The following FGF14 variants were observed in gnomAD, a reference collection of about 807,000 sequenced individuals.
FGF14 encodes the protein fibroblast growth factor homologous factor 4.
Under a neutral mutation model 25.5 loss-of-function variants are expected in FGF14, and 5 were observed. That is an observed-to-expected ratio of 0.20 (90% CI 0.10 to 0.41). The LOEUF (loss-of-function observed/expected upper bound fraction) is 0.41, where lower values mean the gene tolerates loss of function less well. FGF14 is among the 10% of genes least tolerant of loss of function. The pLI is 1.00. For synonymous variants in FGF14, 138 were observed against 118.3 expected (o/e 1.17, Z -1.08); for missense variants, 222 against 320.1 (o/e 0.69, Z 2.34).
chr13:101,803,128 CTTTTT>C (rs538040504), intron 3 of FGF14, among the ~76,000 whole-genome samples: 1 of 132,968 alleles, frequency 7.5e-6, no homozygotes, highest in Non-Finnish European at 1.6e-5. Context: ...CATTTTGAAA[CTTTTT>C]TTTTTTTTTT....
chr13:102,023,623 C>A (rs549594499), intron 1 of FGF14, among the ~76,000 whole-genome samples: 1 of 152,168 alleles, frequency 6.6e-6, no homozygotes, highest in African/African-American at 2.4e-5. Flanking sequence ...CAGCCCCTGA[C>A]AACAACTAAT....
At chr13:102,343,934 C>G (rs1241780344) in intron 1 of FGF14, among the ~76,000 whole-genome samples, 1 of 152,168 alleles carries the variant, frequency 6.6e-6, no homozygotes, top group Non-Finnish European at 1.5e-5. Flanking sequence ...AAAACATTCT[C>G]ATAACCATAT....
intron 3 of FGF14, among the ~76,000 whole-genome samples, chr13:101,777,410 TATC>T (rs1424721071): frequency 6.6e-6 from 1 of 152,128 alleles, no homozygotes; most frequent in East Asian, 1.9e-4. Context: ...GTCTTGGTAA[TATC>T]ATAATTTGCA....
At chr13:101,884,690 C>T (rs756162682) in intron 1 of FGF14, among the ~76,000 whole-genome samples, 8 of 152,056 alleles carry the variant, frequency 5.3e-5, no homozygotes, top group Non-Finnish European at 1.5e-5. Context: ...AGTGTTCAAG[C>T]AGTTGGATGG....
chr13:102,039,311 C>T (rs1054056778), intron 1 of FGF14, among the ~76,000 whole-genome samples: 1 of 152,134 alleles, frequency 6.6e-6, no homozygotes, highest in Non-Finnish European at 1.5e-5. Context: ...AGTGGTATGT[C>T]ATCCCAAGAG....
At chr13:101,774,938 C>A (rs1474607670) in intron 3 of FGF14, among the ~76,000 whole-genome samples, 1 of 144,636 alleles carries the variant, frequency 6.9e-6, no homozygotes, top group African/African-American at 2.6e-5. Flanking sequence ...CATTGCCCTC[C>A]AGCCTGGGCA....
chr13:102,215,278 A>G (rs2050324866), intron 1 of FGF14, among the ~76,000 whole-genome samples: 3 of 152,238 alleles, frequency 2.0e-5, no homozygotes, highest in South Asian at 4.1e-4. Flanking sequence ...CACTGGATAC[A>G]TCAGCATATC....
chr13:102,047,327 A>G (rs1399718377), intron 1 of FGF14, among the ~76,000 whole-genome samples: 1 of 152,092 alleles, frequency 6.6e-6, no homozygotes. Context: ...GAATAATAAG[A>G]ATAATAATGC....
chr13:102,370,344 A>G (rs908164858), intron 1 of FGF14, among the ~76,000 whole-genome samples: 2 of 152,138 alleles, frequency 1.3e-5, no homozygotes, highest in African/African-American at 4.8e-5. Flanking sequence ...ATACATTATT[A>G]TATTTTTATT....
At chr13:101,908,090 T>A (rs1318281048) in intron 1 of FGF14, among the ~76,000 whole-genome samples, 1 of 151,672 alleles carries the variant, frequency 6.6e-6, no homozygotes, top group Non-Finnish European at 1.5e-5. Context: ...ACATAAGAGG[T>A]TTGAAGGGAA....
chr13:102,310,654 TC>T (rs2055687312), intron 1 of FGF14, among the ~76,000 whole-genome samples: 1 of 39,792 alleles, frequency 2.5e-5, no homozygotes, highest in African/African-American at 1.1e-4. Flanking sequence ...TTCCCGTTTC[TC>T]TCTCTCTCTC....
chr13:101,848,922 C>T (rs1042235024), intron 3 of FGF14, among the ~76,000 whole-genome samples: 3 of 151,984 alleles, frequency 2.0e-5, no homozygotes, highest in Non-Finnish European at 4.4e-5. Context: ...AGTTTCTTTA[C>T]TTTGCAAACC....
chr13:102,208,227 G>A (rs1339214663), intron 1 of FGF14, among the ~76,000 whole-genome samples: 1 of 152,168 alleles, frequency 6.6e-6, no homozygotes, highest in Non-Finnish European at 1.5e-5. Flanking sequence ...TCTGTAATCA[G>A]AAAGCAATGC....
At chr13:102,258,149 C>G (rs2052538950) in intron 1 of FGF14, among the ~76,000 whole-genome samples, 1 of 152,126 alleles carries the variant, frequency 6.6e-6, no homozygotes, top group Non-Finnish European at 1.5e-5. Flanking sequence ...TTCTTCACTA[C>G]CATGAGAAGA....
At chr13:101,874,688 G>GT (rs898532036) in intron 2 of FGF14, among the ~76,000 whole-genome samples, 1 of 151,834 alleles carries the variant, frequency 6.6e-6, no homozygotes, top group Non-Finnish European at 1.5e-5. Context: ...CAACCTTTAT[G>GT]TTTTTTTCTA....
intron 1 of FGF14, among the ~76,000 whole-genome samples, chr13:102,069,430 C>T (rs567344231): frequency 4.1e-4 from 62 of 152,342 alleles, no homozygotes; most frequent in African/African-American, 1.5e-3. Context: ...TGGCAACCCG[C>T]TCGGGTCCCC....
chr13:101,859,843 T>A (rs557468121), intron 3 of FGF14, among the ~76,000 whole-genome samples: 1 of 152,188 alleles, frequency 6.6e-6, no homozygotes, highest in African/African-American at 2.4e-5. Context: ...AACCCAGAAA[T>A]GGAACTTGTC....
chr13:101,996,054 C>T (rs2039164456), intron 1 of FGF14, among the ~76,000 whole-genome samples: 1 of 151,904 alleles, frequency 6.6e-6, no homozygotes, highest in Non-Finnish European at 1.5e-5. Context: ...GGATGGACAC[C>T]CCATTCTCCA....
intron 1 of FGF14, among the ~76,000 whole-genome samples, chr13:102,250,912 TTAGAG>T (rs1185690620): frequency 2.0e-5 from 3 of 152,266 alleles, no homozygotes; most frequent in Admixed American, 2.0e-4. Flanking sequence ...TAAAATATCT[TTAGAG>T]TAATTTTTCT....
Sources: allele counts gnomAD v4.1 joint callset (sites outside exome capture counted in the v4.1 genomes callset), GRCh38; gene constraint gnomAD v4.1.1; transcripts MANE v1.5; gene names NCBI Gene and HGNC (gene_info 2026-07-23, HGNC 2026-07-21).